Variants in FAM81B observed in about 807,000 individuals in gnomAD.
FAM81B encodes the protein protein FAM81B.
FAM81B carries 60 observed loss-of-function variants against 58.7 expected under a neutral mutation model. That is an observed-to-expected ratio of 1.02 (90% CI 0.83 to 1.27). FAM81B has a LOEUF of 1.27. Ranked by LOEUF, FAM81B falls within the 50% of genes most tolerant of loss-of-function variation. The pLI, the probability that FAM81B is intolerant of heterozygous loss-of-function variation, is 0.00. For synonymous variants in FAM81B, 189 were observed against 179.6 expected (o/e 1.05, Z -0.42); for missense variants, 491 against 522.0 (o/e 0.94, Z 0.58).
chr5:95,405,075 G>A (rs2152761738), intron 3 of FAM81B, among the ~76,000 whole-genome samples: 1 of 152,280 alleles, frequency 6.6e-6, no homozygotes, highest in East Asian at 1.9e-4. Flanking sequence ...CTATTTGTTA[G>A]GAGGAAAAGT....
At chr5:95,407,218 T>G (rs1236009397) in intron 3 of FAM81B, among the ~76,000 whole-genome samples, 1 of 151,868 alleles carries the variant, frequency 6.6e-6, no homozygotes, top group Non-Finnish European at 1.5e-5. Context: ...AACTCTTCCT[T>G]TTGAAAGCTA....
intron 6 of FAM81B, among the ~76,000 whole-genome samples, chr5:95,434,242 C>T (rs1244642774): frequency 6.6e-6 from 1 of 152,098 alleles, no homozygotes; most frequent in Admixed American, 6.5e-5. Context: ...GGAATGAATC[C>T]TGTTCAGGTT....
At position 95,428,730 on chromosome 5, in the gene FAM81B, A is replaced by T; in HGVS notation, c.784A>T (p.Lys262Ter). 1 of 1,613,800 alleles carries T rather than the reference A, an allele frequency of 6.2e-7. No individual in the cohort carries two copies. Among genetic ancestry groups the T allele is most frequent in the Non-Finnish European group, 8.5e-7 (1 of 1,179,684 alleles). ...LETLSKNLDM[K>*]VMQLLGKIET... is the part of the protein sequence containing the mutation. ...AACTCTTTCCAAGAACTTGGACATG[A>T]AGGTAATTGAAAATAGATGGGACTC... Residue 262 changes from lysine (K) to a stop codon, truncating the protein, a stop_gained and splice_region_variant, in exon 6 of 10, where the codon AAG becomes TAG. Coordinates refer to ENST00000283357, the MANE Select transcript of FAM81B (RefSeq NM_152548.3). LOFTEE classifies it high-confidence loss of function.
In FAM81B at chr5:95,400,439, C is replaced by CATACGT. The variant is rs1554042703; in HGVS notation, c.293+4265_293+4266insTACGTA. On this transcript the variant is annotated intron_variant, in intron 3 of 9. Transcript: ENST00000283357. ...ACATACATACATACATACATACACA[C>CATACGT]ACACACACACATACATACATACAGG... Among the ~76,000 whole-genome samples, 779 of 151,748 alleles carry CATACGT rather than the reference C, an allele frequency of 5.1e-3. 4 individuals are homozygous for CATACGT. The highest frequency in any genetic ancestry group is 0.011 in the South Asian group (54 of 4,776).
At chr5:95,405,426 T>G (rs965439389) in intron 3 of FAM81B, among the ~76,000 whole-genome samples, 7 of 152,230 alleles carry the variant, frequency 4.6e-5, no homozygotes, top group African/African-American at 1.7e-4. Flanking sequence ...ACCTTTTATT[T>G]TTTATTTCAA....
At chr5:95,448,161 G>A in intron 8 of FAM81B, 108 bp from the exon 9 acceptor site, 1 of 1,095,920 alleles carries the variant, frequency 9.1e-7, no homozygotes, top group Non-Finnish European at 1.3e-6. Flanking sequence ...AACTTGGTTT[G>A]AATTTTCATG....
chr5:95,391,527 A>G lies in FAM81B; in HGVS notation c.124+14A>G. ...TCATGAGTTCAGGTACTTATGGACT[A>G]TTCGAGGTCTCTAAATTTCTCCTAC... On this transcript the variant is annotated intron_variant, in intron 1 of 9. Transcript: ENST00000283357. The G allele has an allele frequency of 6.3e-7, 1 of 1,592,670 alleles. No individual in the cohort carries two copies. The highest frequency in any genetic ancestry group is 8.5e-7 in the Non-Finnish European group (1 of 1,172,134).
chr5:95,403,257 C>G (rs572893312), intron 3 of FAM81B, among the ~76,000 whole-genome samples: 117 of 152,272 alleles, frequency 7.7e-4, no homozygotes, highest in Non-Finnish European at 1.4e-3. Flanking sequence ...CCCTCCCTCA[C>G]CCTCCCCTGT....
At chr5:95,450,066 G>C in intron 9 of FAM81B, 83 bp from the exon 10 acceptor site, 1 of 1,432,262 alleles carries the variant, frequency 7.0e-7, no homozygotes, top group Non-Finnish European at 9.4e-7. Flanking sequence ...AATCAATTAT[G>C]GCAGGACTGC....
In FAM81B at chr5:95,450,138, C is replaced by T. The variant is rs748352054; in HGVS notation, c.1226-11C>T. 9 of 1,600,190 alleles carry T rather than the reference C, an allele frequency of 5.6e-6. No homozygotes were observed. The highest frequency in any genetic ancestry group is 2.3e-5 in the South Asian group (2 of 87,580). On this transcript the variant is annotated splice_polypyrimidine_tract_variant and intron_variant, in intron 9 of 9. Coordinates refer to ENST00000283357, the MANE Select transcript of FAM81B (RefSeq NM_152548.3). The stretch of plus-strand genomic sequence containing the variant: ...TTGTTTAAGTGTACCTATTCTTTTA[C>T]CCTCTTACAGGATTTAAATCAATTC...
intron 3 of FAM81B, among the ~76,000 whole-genome samples, chr5:95,400,308 T>C (rs1762072104): frequency 6.6e-6 from 1 of 152,096 alleles, no homozygotes; most frequent in African/African-American, 2.4e-5. Context: ...TGGGAGTCCC[T>C]GGCACTCCTT....
rs1051261064 is a variant in FAM81B at position 95,409,551 on chromosome 5, T to C, written c.294-4396T>C. Among the ~76,000 whole-genome samples, 7 of 151,640 alleles carry C rather than the reference T, an allele frequency of 4.6e-5. No individual in the cohort carries two copies. In the South Asian group the frequency reaches 1.5e-3, roughly 31 times the overall value. On this transcript the variant is annotated intron_variant, in intron 3 of 9. Coordinates refer to ENST00000283357, the MANE Select transcript of FAM81B (RefSeq NM_152548.3). ...TACATTATATTTCTTTTGAGCAGTT[T>C]TATAAAGATGAAATTACAGAGCTAC...
At position 95,414,192 on chromosome 5, in the gene FAM81B, T is replaced by G; in HGVS notation, c.537+2T>G. 1 of 1,591,866 alleles carries G rather than the reference T, an allele frequency of 6.3e-7. No individual in the cohort carries two copies. Among genetic ancestry groups the G allele is most frequent in the Non-Finnish European group, 8.5e-7 (1 of 1,170,640 alleles). On this transcript the variant is annotated splice_donor_variant, in intron 4 of 9. Coordinates refer to ENST00000283357, the MANE Select transcript of FAM81B (RefSeq NM_152548.3). LOFTEE classifies it high-confidence loss of function. Reference sequence around the variant, plus strand: ...AAAAAACTCAGCCAAAATATTGAGGTAGTTCTCTTTTTGTTTTATTTTGTT... The same window carrying G: ...AAAAAACTCAGCCAAAATATTGAGGGAGTTCTCTTTTTGTTTTATTTTGTT...
intron 5 of FAM81B, among the ~76,000 whole-genome samples, chr5:95,426,400 C>T (rs1201777347): frequency 4.6e-5 from 7 of 152,018 alleles, no homozygotes; most frequent in African/African-American, 1.5e-4. Flanking sequence ...TGGGATTAGG[C>T]TAGTGGGTGG....
chr5:95,434,977 G>T (rs963727491), intron 6 of FAM81B, among the ~76,000 whole-genome samples: 2 of 152,216 alleles, frequency 1.3e-5, no homozygotes, highest in South Asian at 4.1e-4. Flanking sequence ...AAAATTGGGA[G>T]GGAGACTATG....
At chr5:95,407,669 A>G (rs1762293196) in intron 3 of FAM81B, among the ~76,000 whole-genome samples, 1 of 152,234 alleles carries the variant, frequency 6.6e-6, no homozygotes, top group Admixed American at 6.5e-5. Flanking sequence ...GGCATCATAC[A>G]TTAAGCTCAA....
Position 95,415,678 on chromosome 5 carries a change from A to T in FAM81B, c.537+1488A>T, listed in dbSNP as rs1298085523. 4.6e-5 allele frequency among the ~76,000 whole-genome samples: 7 copies of T among 152,184 alleles called. No individual in the cohort carries two copies. The South Asian group carries it at 1.2e-3, about 27-fold the overall frequency. On this transcript the variant is annotated intron_variant, in intron 4 of 9. Coordinates refer to ENST00000283357, the MANE Select transcript of FAM81B (RefSeq NM_152548.3). ...AAGTACAGCATAGTGCTAAAATAAGATTCCAATTTAGGAGTCAAAACTTCT... is the reference window on the plus strand; with the variant it reads ...AAGTACAGCATAGTGCTAAAATAAGTTTCCAATTTAGGAGTCAAAACTTCT...
At chr5:95,444,327 T>C (rs920413449) in intron 7 of FAM81B, among the ~76,000 whole-genome samples, 8 of 152,138 alleles carry the variant, frequency 5.3e-5, no homozygotes, top group Non-Finnish European at 1.0e-4. Flanking sequence ...CACAAATTAG[T>C]GTGCGTCAGA....
At chr5:95,393,768 T>C (rs1761892739) in intron 2 of FAM81B, among the ~76,000 whole-genome samples, 1 of 152,216 alleles carries the variant, frequency 6.6e-6, no homozygotes, top group African/African-American at 2.4e-5. Flanking sequence ...AGGGCATTCA[T>C]GTCAAATAAA....
Sources: allele counts gnomAD v4.1 joint callset (sites outside exome capture counted in the v4.1 genomes callset), GRCh38; gene constraint gnomAD v4.1.1; transcripts MANE v1.5; gene names NCBI Gene and HGNC (gene_info 2026-07-23, HGNC 2026-07-21).